IQGAP3: variants seen among roughly 807,000 people sequenced by gnomAD.
IQGAP3 encodes the protein ras GTPase-activating-like protein IQGAP3.
In IQGAP3, 165 loss-of-function variants were observed where a neutral mutation model predicts 208.2. That is an observed-to-expected ratio of 0.79 (90% confidence interval 0.70 to 0.90). The LOEUF (loss-of-function observed/expected upper bound fraction) is 0.90. Ranked by LOEUF, IQGAP3 falls within the 40% of genes least tolerant of loss-of-function variation. IQGAP3 has a pLI of 0.00. For missense variants in IQGAP3, 1,811 were observed against 2,043.1 expected, an observed-to-expected ratio of 0.89 and a Z score of 2.19; for synonymous variants, 703 against 803.6, an observed-to-expected ratio of 0.87 and a Z score of 2.12.
At chr1:156,554,670 G>C (rs1436142816) in intron 12 of IQGAP3, among the ~76,000 whole-genome samples, 1 of 152,104 alleles carries the variant, frequency 6.6e-6, no homozygotes, top group Admixed American at 6.5e-5. Flanking sequence ...ATGAGCCCAC[G>C]ACCAATAATG....
intron 21 of IQGAP3, 40 bp from the exon 22 acceptor site, chr1:156,544,090 C>T (rs946227985): frequency 1.6e-5 from 26 of 1,613,192 alleles, no homozygotes; most frequent in Non-Finnish European, 2.1e-5. Flanking sequence ...GCTGGCTGTC[C>T]TTGCTCTAGT....
chr1:156,555,490 T>C (rs976219701), intron 12 of IQGAP3, among the ~76,000 whole-genome samples: 1 of 152,214 alleles, frequency 6.6e-6, no homozygotes, highest in South Asian at 2.1e-4. Flanking sequence ...CCTCCCAAAG[T>C]GCTGGGATTA....
chr1:156,561,029 A>G lies in IQGAP3; in HGVS notation c.1042-8T>C. On this transcript the variant is annotated splice_region_variant and splice_polypyrimidine_tract_variant and intron_variant, in intron 10 of 37. Coordinates refer to ENST00000361170, the MANE Select transcript of IQGAP3 (RefSeq NM_178229.5). ...CTCCACCAGGCCCAGCTCCTAAGAG[A>G]GGGAAGAGATACAGTAGAATGGAGT... 1.2e-6 allele frequency: 2 copies of G among 1,607,070 alleles called. No individual in the cohort carries two copies. Among genetic ancestry groups the G allele is most frequent in the South Asian group, 2.2e-5 (2 of 90,948 alleles).
At chr1:156,526,831 T>C (rs559617187) in intron 37 of IQGAP3, among the ~76,000 whole-genome samples, 3 of 152,190 alleles carry the variant, frequency 2.0e-5, no homozygotes, top group East Asian at 3.9e-4. Context: ...GTTTTTCTTA[T>C]TTTATTTATT....
Position 156,540,764 on chromosome 1 carries a change from G to A in IQGAP3, c.2683C>T (p.Leu895Phe). The change falls in exon 23 of 38, where the codon CTC becomes TTC. Residue 895 changes from leucine to phenylalanine, a missense_variant. By Grantham distance (22) the Leu-to-Phe change is conservative. Transcript: ENST00000361170. ...IRSNQQLEQD[L>F]NIMDIKIGLL... ...CCAATCTTGATGTCCATGATGTTGAGGTCCTGCTCCAGCTGCTGATTGGAT... is the reference window on the plus strand; with the variant it reads ...CCAATCTTGATGTCCATGATGTTGAAGTCCTGCTCCAGCTGCTGATTGGAT... The A allele has an allele frequency of 6.2e-7, 1 of 1,614,136 alleles. No homozygotes were observed. Among genetic ancestry groups the A allele is most frequent in the South Asian group, 1.1e-5 (1 of 91,076 alleles).
Position 156,569,435 on chromosome 1 carries a change from A to G in IQGAP3, c.66T>C (p.Asp22=), listed in dbSNP as rs1676542941. 2.5e-6 allele frequency: 4 copies of G among 1,611,474 alleles called. No homozygotes were observed. The highest frequency in any genetic ancestry group is 3.4e-6 in the Non-Finnish European group (4 of 1,178,984). ...AGGCAACATTCTGCCGCCTCTGCTC[A>G]TCCATCTCCTCAGCTGTGAGGCGTT... ...AYERLTAEEM[D]EQRRQNVAYQ... The change falls in exon 2 of 38, where the codon GAT becomes GAC. Residue 22 remains aspartate (D), a synonymous_variant. Coordinates refer to ENST00000361170, the MANE Select transcript of IQGAP3 (RefSeq NM_178229.5).
intron 9 of IQGAP3, 96 bp downstream of exon 9, chr1:156,562,491 G>A: frequency 1.0e-6 from 1 of 990,254 alleles, no homozygotes; most frequent in Non-Finnish European, 1.6e-6. Context: ...TGAGACCATA[G>A]GGCTTTCTGG....
Position 156,566,407 on chromosome 1 carries a change from C to G in IQGAP3, c.265G>C (p.Glu89Gln). The G allele has an allele frequency of 6.2e-7, 1 of 1,614,136 alleles. No homozygotes were observed. The highest frequency in any genetic ancestry group is 8.5e-7 in the Non-Finnish European group (1 of 1,180,016). Residue 89 changes from glutamate to glutamine, a missense_variant, in exon 3 of 38, where the codon GAG (glutamate) becomes CAG (glutamine). Transcript: ENST00000361170. ...CCTCCCACCTGGTACCGCAGCTGCT[C>G]CACATCGTAGATCTTCTTCAAGGGA... Reference protein sequence around the residue: ...VVPLKKIYDVEQLRYQATGLH... With the variant: ...VVPLKKIYDVQQLRYQATGLH...
chr1:156,544,053 G>T lies in IQGAP3; in HGVS notation c.2461-3C>A, dbSNP rs1310264979. 3 of 1,613,992 alleles carry T rather than the reference G, an allele frequency of 1.9e-6. No homozygotes were observed. Among genetic ancestry groups the T allele is most frequent in the Non-Finnish European group, 2.5e-6 (3 of 1,179,976 alleles). On this transcript the variant is annotated splice_region_variant and splice_polypyrimidine_tract_variant and intron_variant, in intron 21 of 37. Coordinates refer to ENST00000361170, the MANE Select transcript of IQGAP3 (RefSeq NM_178229.5). ...TGGATCTTCACAATGGAGTTAACCT[G>T]CCACAAACACAGATTGGAAAAGGGT...
At chr1:156,540,118 G>A (rs1331434238) in intron 23 of IQGAP3, 128 bp from the exon 24 acceptor site, 14 of 1,040,586 alleles carry the variant, frequency 1.3e-5, no homozygotes, top group Non-Finnish European at 1.8e-5. Context: ...ATAAGCTGGG[G>A]GACAGAAGCA....
intron 24 of IQGAP3, 121 bp downstream of exon 24, chr1:156,539,717 A>G: frequency 7.8e-7 from 1 of 1,274,490 alleles, no homozygotes; most frequent in Non-Finnish European, 1.1e-6. Context: ...CCTGGGGATA[A>G]GGAATTAAGA....
In IQGAP3 at chr1:156,554,085, C is replaced by A. The variant is rs894925095; in HGVS notation, c.1448+150G>T. On this transcript the variant is annotated intron_variant, in intron 13 of 37. Coordinates refer to ENST00000361170, the MANE Select transcript of IQGAP3 (RefSeq NM_178229.5). ...TCCCATCCACTCCCAGGAAGAAACA[C>A]AGGCCAAGGAACTGTGAACAGACCC... 1.2e-5 allele frequency: 10 copies of A among 856,260 alleles called. No individual in the cohort carries two copies. In the African/African-American group the frequency reaches 1.5e-4, roughly 13 times the overall value. The allele number at this position is 856,260 out of a possible 1,614,324, so 53.0% of individuals were successfully genotyped here. A position where few individuals can be genotyped will look rare whatever the true frequency, so the allele number is the denominator to read the frequency against.
At chr1:156,538,767 C>T (rs1414193170) in intron 26 of IQGAP3, 42 bp downstream of exon 26, 4 of 1,541,474 alleles carry the variant, frequency 2.6e-6, no homozygotes, top group South Asian at 1.1e-5. Flanking sequence ...GATCAAGACA[C>T]AGCTGATCAA....
In IQGAP3 at chr1:156,548,887, G is replaced by A. The variant is rs1675407726; in HGVS notation, c.1826-139C>T. The A allele has an allele frequency of 8.9e-6, 7 of 787,484 alleles. No individual in the cohort carries two copies. The South Asian group carries it at 2.0e-4, about 23-fold the overall frequency. The allele number at this position is 787,484 out of a possible 1,614,324, so 48.8% of individuals were successfully genotyped here. A position where few individuals can be genotyped will look rare whatever the true frequency, so the allele number is the denominator to read the frequency against. Reference sequence around the variant, plus strand: ...GAAGGAGTAGACGGGAACATCCCAGGATGGACAGAGACACATGCATGAAAA... The same window carrying A: ...GAAGGAGTAGACGGGAACATCCCAGAATGGACAGAGACACATGCATGAAAA... On this transcript the variant is annotated intron_variant, in intron 16 of 37. Transcript: ENST00000361170.
chr1:156,539,159 A>G lies in IQGAP3; in HGVS notation c.3057-126T>C. Reference sequence around the variant, plus strand: ...GTCCCCGCTCTTAAGGAATGTCTTGATATCTCTCTCATCCTTTGTGTTAGC... The same window carrying G: ...GTCCCCGCTCTTAAGGAATGTCTTGGTATCTCTCTCATCCTTTGTGTTAGC... On this transcript the variant is annotated intron_variant, in intron 25 of 37. Coordinates refer to ENST00000361170, the MANE Select transcript of IQGAP3 (RefSeq NM_178229.5). 4.5e-6 allele frequency: 4 copies of G among 891,936 alleles called. No individual in the cohort carries two copies. In the South Asian group the frequency reaches 6.2e-5, roughly 14 times the overall value. The allele number at this position is 891,936 out of a possible 1,614,324, so 55.3% of individuals were successfully genotyped here.
At chr1:156,543,574 C>T (rs1675086068) in intron 22 of IQGAP3, among the ~76,000 whole-genome samples, 1 of 152,242 alleles carries the variant, frequency 6.6e-6, no homozygotes, top group Admixed American at 6.5e-5. Flanking sequence ...GAAGATGGCA[C>T]TCCCTTGGGT....
chr1:156,563,456 G>A, intron 7 of IQGAP3, 97 bp downstream of exon 7: 2 of 1,329,656 alleles, frequency 1.5e-6, no homozygotes, highest in African/African-American at 1.5e-5. Flanking sequence ...CCTATCTGTG[G>A]ATGAGAGCTG....
intron 9 of IQGAP3, 104 bp from the exon 10 acceptor site, chr1:156,562,105 C>G (rs957641758): frequency 2.8e-6 from 3 of 1,056,808 alleles, no homozygotes; most frequent in South Asian, 1.7e-5. Context: ...CCCGGAATTA[C>G]CCCCACCCTT....
chr1:156,571,388 A>G (rs1469163911), intron 1 of IQGAP3, among the ~76,000 whole-genome samples: 2 of 152,208 alleles, frequency 1.3e-5, no homozygotes, highest in African/African-American at 4.8e-5. Context: ...ATTTCCTTAT[A>G]TTGCATATTC....
Sources: allele counts gnomAD v4.1 joint callset (sites outside exome capture counted in the v4.1 genomes callset), GRCh38; gene constraint gnomAD v4.1.1; transcripts MANE v1.5; gene names NCBI Gene and HGNC (gene_info 2026-07-23, HGNC 2026-07-21).